Variants in AGMO observed in about 807,000 individuals in gnomAD.
The protein encoded by AGMO is alkylglycerol monooxygenase, also known as glyceryl-ether monooxygenase.
Under a neutral mutation model 60.2 loss-of-function variants are expected in AGMO, and 75 were observed. The observed-to-expected ratio is 1.25, with a 90% CI of 1.03 to 1.51. The LOEUF (loss-of-function observed/expected upper bound fraction) is 1.51. Among genes scored for constraint, AGMO ranks in the 40% most tolerant of loss-of-function variants. AGMO has a pLI of 0.00. For missense variants in AGMO, 763 were observed against 525.5 expected (o/e 1.45, Z -4.42); for synonymous variants, 261 against 177.1 (o/e 1.47, Z -3.76).
chr7:15,473,858 T>C (rs1782519943), intron 3 of AGMO, among the ~76,000 whole-genome samples: 1 of 152,162 alleles, frequency 6.6e-6, no homozygotes, highest in Non-Finnish European at 1.5e-5. Flanking sequence ...CAGCAAAGTC[T>C]AAGGATACAA....
At chr7:15,439,716 T>G (rs1346136758) in intron 3 of AGMO, among the ~76,000 whole-genome samples, 3 of 152,204 alleles carry the variant, frequency 2.0e-5, no homozygotes, top group African/African-American at 7.2e-5. Flanking sequence ...GTAGGTTAAT[T>G]TTATTATTGT....
chr7:15,151,122 G>T, the AGMO span, among the ~76,000 whole-genome samples: 1 of 152,006 alleles, frequency 6.6e-6, no homozygotes, highest in African/African-American at 2.4e-5. Flanking sequence ...GTTCACAATA[G>T]TCTCTAAGTT....
intron 12 of AGMO, among the ~76,000 whole-genome samples, chr7:15,348,555 A>G (rs1400796708): frequency 6.6e-6 from 1 of 152,058 alleles, no homozygotes; most frequent in East Asian, 1.9e-4. Flanking sequence ...TTTCTTCTCA[A>G]ATTTGTATTT....
chr7:15,343,876 C>A (rs1781941811), intron 12 of AGMO, among the ~76,000 whole-genome samples: 1 of 152,122 alleles, frequency 6.6e-6, no homozygotes, highest in Non-Finnish European at 1.5e-5. Flanking sequence ...ATGTCTTAAG[C>A]AAGCATAGTT....
In AGMO at chr7:15,531,022, A is replaced by G. The variant is rs112823643; in HGVS notation, c.409+13750T>C. ...TCTATATATTCTATATATATTCTATATATTCCATATATATTCTATATATAT... is the reference window on the plus strand; with the variant it reads ...TCTATATATTCTATATATATTCTATGTATTCCATATATATTCTATATATAT... On this transcript the variant is annotated intron_variant, in intron 3 of 12. Transcript: ENST00000342526. Among the ~76,000 whole-genome samples, 96 of 14,372 alleles carry G rather than the reference A, an allele frequency of 6.7e-3. 30 individuals are homozygous for G. The highest frequency in any genetic ancestry group is 0.015 in the African/African-American group (39 of 2,652). The allele number at this position is 14,372 out of a possible 152,430, so 9.4% of individuals were successfully genotyped here.
chr7:15,322,725 T>TATACATAA lies in AGMO; in HGVS notation c.1263+42788_1263+42789insTTATGTAT, dbSNP rs1554413751. The stretch of plus-strand genomic sequence containing the variant: ...GTATAAATATATATAAATATATAAA[T>TATACATAA]ATATATATAAATATATAAATATATA... On this transcript the variant is annotated intron_variant, in intron 12 of 12. Coordinates refer to ENST00000342526, the MANE Select transcript of AGMO (RefSeq NM_001004320.2). Among the ~76,000 whole-genome samples the TATACATAA allele has an allele frequency of 2.6e-4, 19 of 72,800 alleles. 3 individuals are homozygous for TATACATAA. The highest frequency in any genetic ancestry group is 1.2e-3 in the African/African-American group (15 of 12,112). 47.8% of individuals were successfully genotyped at this position (72,800 alleles called of 152,430 possible).
At chr7:15,441,495 A>C (rs1781552855) in intron 3 of AGMO, among the ~76,000 whole-genome samples, 1 of 152,176 alleles carries the variant, frequency 6.6e-6, no homozygotes, top group South Asian at 2.1e-4. Flanking sequence ...CACATGCTTT[A>C]CATAGATTGA....
chr7:15,166,830 T>C, the AGMO span, among the ~76,000 whole-genome samples: 1 of 152,112 alleles, frequency 6.6e-6, no homozygotes, highest in Non-Finnish European at 1.5e-5. Flanking sequence ...CTTGAGAAAG[T>C]AGAACTTTGG....
At chr7:15,248,470 G>A (rs376043932) in intron 12 of AGMO, among the ~76,000 whole-genome samples, 2 of 151,652 alleles carry the variant, frequency 1.3e-5, no homozygotes, top group African/African-American at 2.4e-5. Context: ...TCTATTCATT[G>A]GGAATATCTG....
intron 12 of AGMO, among the ~76,000 whole-genome samples, chr7:15,314,305 G>A (rs1025028540): frequency 1.3e-5 from 2 of 152,112 alleles, no homozygotes; most frequent in Non-Finnish European, 2.9e-5. Context: ...CATGGTAACT[G>A]AAACCACAGA....
At chr7:15,495,855 T>TCTCTCTCTCTC (rs1203037442) in intron 3 of AGMO, among the ~76,000 whole-genome samples, 1 of 96,592 alleles carries the variant, frequency 1.0e-5, no homozygotes, top group Non-Finnish European at 2.4e-5. Context: ...CTCTCTCTCC[T>TCTCTCTCTCTC]CTCTCTCTCT....
chr7:15,256,624 A>T (rs539488225), intron 12 of AGMO, among the ~76,000 whole-genome samples: 1 of 152,288 alleles, frequency 6.6e-6, no homozygotes, highest in Non-Finnish European at 1.5e-5. Context: ...GGCCTCCCAA[A>T]GTGCTGGGAT....
At chr7:15,557,696 A>T (rs138333697) in intron 2 of AGMO, among the ~76,000 whole-genome samples, 1,903 of 152,158 alleles carry the variant, frequency 0.013, 49 homozygotes, top group African/African-American at 0.044. Context: ...CTTTACTGGG[A>T]TCTTTCAGAC....
At chr7:15,455,394 C>A (rs1188492048) in intron 3 of AGMO, among the ~76,000 whole-genome samples, 1 of 152,026 alleles carries the variant, frequency 6.6e-6, no homozygotes, top group Non-Finnish European at 1.5e-5. Context: ...TTTTGGACAT[C>A]ATTTATGGTG....
chr7:15,497,218 A>T (rs915619159), intron 3 of AGMO, among the ~76,000 whole-genome samples: 1 of 152,076 alleles, frequency 6.6e-6, no homozygotes, highest in Non-Finnish European at 1.5e-5. Context: ...CCTATTTGAC[A>T]GATGAGAAAA....
chr7:15,509,140 A>C (rs1257024205), intron 3 of AGMO, among the ~76,000 whole-genome samples: 1 of 152,198 alleles, frequency 6.6e-6, no homozygotes, highest in Non-Finnish European at 1.5e-5. Context: ...ACTCTGGAAG[A>C]CTAAGTAATA....
the AGMO span, among the ~76,000 whole-genome samples, chr7:15,169,904 T>A: frequency 1.3e-5 from 2 of 152,362 alleles, no homozygotes; most frequent in East Asian, 3.9e-4. Flanking sequence ...TGGGTGGATA[T>A]GATTAGGCCT....
At position 15,560,274 on chromosome 7, in the gene AGMO, G is replaced by T. The variant is rs1210299250; in HGVS notation, c.127-3C>A. 2 of 1,610,356 alleles carry T rather than the reference G, an allele frequency of 1.2e-6. No homozygotes were observed. ...AAAGAAATGAAAAATGGAGTTGCCT[G>T]GAAAGGAAGTTGCAGAAAAGAGATG... On this transcript the variant is annotated splice_region_variant and splice_polypyrimidine_tract_variant and intron_variant, in intron 1 of 12. Coordinates refer to ENST00000342526, the MANE Select transcript of AGMO (RefSeq NM_001004320.2).
At chr7:15,498,762 G>A (rs1783301423) in intron 3 of AGMO, among the ~76,000 whole-genome samples, 3 of 151,980 alleles carry the variant, frequency 2.0e-5, no homozygotes, top group African/African-American at 7.2e-5. Flanking sequence ...AATGGTATCT[G>A]GTTTCTGTTT....
Sources: allele counts gnomAD v4.1 joint callset (sites outside exome capture counted in the v4.1 genomes callset), GRCh38; gene constraint gnomAD v4.1.1; transcripts MANE v1.5; gene names NCBI Gene and HGNC (gene_info 2026-07-23, HGNC 2026-07-21).